CNTNAP2: variants seen among roughly 807,000 people sequenced by gnomAD.
CNTNAP2 encodes the protein contactin-associated protein-like 2.
Under a neutral mutation model 155.2 loss-of-function variants are expected in CNTNAP2, and 98 were observed. The ratio of observed to expected loss-of-function variants is 0.63; its 90% CI spans 0.54 to 0.75. The LOEUF is 0.75. CNTNAP2 is among the 30% of genes least tolerant of loss of function. The probability of loss-of-function intolerance (pLI) is 0.00; values close to 1 mark genes in which losing one functional copy is unlikely to be tolerated. For synonymous variants in CNTNAP2, 651 were observed against 631.2 expected, an observed-to-expected ratio of 1.03 and a Z score of -0.47; for missense variants, 1,727 against 1,688.1, an observed-to-expected ratio of 1.02 and a Z score of -0.40.
At position 146,223,576 on chromosome 7, in the gene CNTNAP2, C is replaced by T. The variant is rs543058498; in HGVS notation, c.97+106603C>T. Among the ~76,000 whole-genome samples, 142 of 152,238 alleles carry T rather than the reference C, an allele frequency of 9.3e-4. 1 individual carries two copies. The highest frequency in any genetic ancestry group is 3.4e-3 in the African/African-American group (140 of 41,556). ...GTGAACCTCCATAGGAAGTGTCTGG[C>T]ACACAGCTGGAATGCATAAGATACA... On this transcript the variant is annotated intron_variant, in intron 1 of 23. Coordinates refer to ENST00000361727, the MANE Select transcript of CNTNAP2 (RefSeq NM_014141.6).
At chr7:148,017,790 G>A (rs566929180) in intron 15 of CNTNAP2, among the ~76,000 whole-genome samples, 33 of 152,274 alleles carry the variant, frequency 2.2e-4, no homozygotes, top group African/African-American at 5.3e-4. Context: ...AGTGAATGAC[G>A]TAAATAATAG....
At chr7:147,789,942 A>G (rs116362753) in intron 13 of CNTNAP2, among the ~76,000 whole-genome samples, 1,590 of 152,236 alleles carry the variant, frequency 0.01, 40 homozygotes, top group African/African-American at 0.035. Context: ...CTGAGCCACT[A>G]TTGGCTTCCT....
chr7:147,384,235 T>C (rs192333996), intron 9 of CNTNAP2, among the ~76,000 whole-genome samples: 1 of 152,346 alleles, frequency 6.6e-6, no homozygotes, highest in African/African-American at 2.4e-5. Flanking sequence ...GAACTATTGC[T>C]AAATATGATA....
intron 1 of CNTNAP2, among the ~76,000 whole-genome samples, chr7:146,299,808 A>G (rs1800576148): frequency 6.6e-6 from 1 of 152,132 alleles, no homozygotes; most frequent in South Asian, 2.1e-4. Flanking sequence ...TAAGTTAGAG[A>G]TGAGAAAAAG....
Position 147,103,691 on chromosome 7 carries a change from CT to C in CNTNAP2, c.551-4450del, listed in dbSNP as rs572371827. Among the ~76,000 whole-genome samples the C allele has an allele frequency of 1.0e-3, 153 of 150,694 alleles. 1 individual carries two copies. Among genetic ancestry groups the C allele is most frequent in the African/African-American group, 3.5e-3 (145 of 41,180 alleles). On this transcript the variant is annotated intron_variant, in intron 4 of 23. Transcript: ENST00000361727. ...TAAAAGAAGTCTTTAATTTTGTTTC[CT>C]TTTTTCTCTAAAAATCTATATAATT...
intron 1 of CNTNAP2, among the ~76,000 whole-genome samples, chr7:146,391,123 TA>T (rs1795537597): frequency 6.8e-6 from 1 of 147,812 alleles, no homozygotes; most frequent in African/African-American, 2.5e-5. Flanking sequence ...ATTTAGTATA[TA>T]TATTTATTAT....
chr7:147,264,368 T>C (rs569235399), intron 8 of CNTNAP2, among the ~76,000 whole-genome samples: 1 of 152,128 alleles, frequency 6.6e-6, no homozygotes, highest in South Asian at 2.1e-4. Context: ...AAATACTTAG[T>C]GTCAATGTGT....
chr7:148,322,232 A>T (rs969246649), intron 21 of CNTNAP2, among the ~76,000 whole-genome samples: 4 of 152,172 alleles, frequency 2.6e-5, no homozygotes, highest in Non-Finnish European at 5.9e-5. Context: ...CAAGAACTGT[A>T]AATTCTTAAA....
intron 13 of CNTNAP2, among the ~76,000 whole-genome samples, chr7:147,808,511 A>G (rs1041881384): frequency 6.6e-6 from 1 of 152,202 alleles, no homozygotes; most frequent in African/African-American, 2.4e-5. Flanking sequence ...TAGATTTGAC[A>G]TAAATTGGTT....
At chr7:147,832,511 A>T (rs1798565768) in intron 13 of CNTNAP2, among the ~76,000 whole-genome samples, 1 of 145,746 alleles carries the variant, frequency 6.9e-6, no homozygotes, top group African/African-American at 2.5e-5. Context: ...TTTTAAGTAT[A>T]TTTAATTATA....
chr7:146,326,682 C>T (rs1054569603), intron 1 of CNTNAP2, among the ~76,000 whole-genome samples: 1 of 152,176 alleles, frequency 6.6e-6, no homozygotes, highest in Non-Finnish European at 1.5e-5. Context: ...CACAGAAAAG[C>T]ATCTCCGTGG....
chr7:147,871,008 G>A (rs1799318277), intron 13 of CNTNAP2, among the ~76,000 whole-genome samples: 1 of 152,102 alleles, frequency 6.6e-6, no homozygotes, highest in Non-Finnish European at 1.5e-5. Flanking sequence ...CTTACTTTTG[G>A]CTGGGCTTGG....
intron 8 of CNTNAP2, among the ~76,000 whole-genome samples, chr7:147,236,925 A>G (rs1489163776): frequency 7.9e-5 from 12 of 152,070 alleles, no homozygotes; most frequent in African/African-American, 2.9e-4. Context: ...GCCATGCCCA[A>G]AATTCTTAAA....
In CNTNAP2 at chr7:146,729,494, C is replaced by T. The variant is rs143352685; in HGVS notation, c.98-44777C>T. 2.2e-3 allele frequency among the ~76,000 whole-genome samples: 335 copies of T among 152,094 alleles called. 2 individuals carry two copies. Among genetic ancestry groups the T allele is most frequent in the African/African-American group, 5.8e-3 (242 of 41,508 alleles). On this transcript the variant is annotated intron_variant, in intron 1 of 23. Coordinates refer to ENST00000361727, the MANE Select transcript of CNTNAP2 (RefSeq NM_014141.6). ...AGCTTAAGAGAAATGCACATTTATACTGTTGTGTCAAACTCCAAAAATAAA... is the reference window on the plus strand; with the variant it reads ...AGCTTAAGAGAAATGCACATTTATATTGTTGTGTCAAACTCCAAAAATAAA...
chr7:147,224,048 T>A (rs1803467531), intron 8 of CNTNAP2, among the ~76,000 whole-genome samples: 1 of 151,442 alleles, frequency 6.6e-6, no homozygotes, highest in Non-Finnish European at 1.5e-5. Context: ...TGGAGAACTG[T>A]CAGCCAGCGC....
At chr7:147,685,604 A>G (rs1796006730) in intron 13 of CNTNAP2, among the ~76,000 whole-genome samples, 1 of 152,020 alleles carries the variant, frequency 6.6e-6, no homozygotes, top group African/African-American at 2.4e-5. Flanking sequence ...ACAGTGAAAA[A>G]AAAACAGATG....
intron 13 of CNTNAP2, among the ~76,000 whole-genome samples, chr7:147,760,688 T>C (rs1271117344): frequency 6.6e-6 from 1 of 152,176 alleles, no homozygotes; most frequent in Non-Finnish European, 1.5e-5. Flanking sequence ...AGAAATTTCT[T>C]GGTTGAAGTC....
At chr7:147,341,787 CA>C (rs1795768899) in intron 9 of CNTNAP2, among the ~76,000 whole-genome samples, 1 of 151,668 alleles carries the variant, frequency 6.6e-6, no homozygotes, top group African/African-American at 2.4e-5. Context: ...CACACACACA[CA>C]CACACACACA....
At chr7:146,994,010 T>C (rs760660931) in intron 3 of CNTNAP2, among the ~76,000 whole-genome samples, 2 of 152,160 alleles carry the variant, frequency 1.3e-5, no homozygotes, top group African/African-American at 4.8e-5. Context: ...TCATTTTCTA[T>C]TGCTAATCAG....
Sources: allele counts gnomAD v4.1 joint callset (sites outside exome capture counted in the v4.1 genomes callset), GRCh38; gene constraint gnomAD v4.1.1; transcripts MANE v1.5; gene names NCBI Gene and HGNC (gene_info 2026-07-23, HGNC 2026-07-21).